Variants in NEK9 observed in about 807,000 individuals in gnomAD.
NEK9 encodes NIMA related kinase 9, also known as serine/threonine-protein kinase Nek9.
NEK9 carries 75 observed loss-of-function variants against 123.4 expected under a neutral mutation model. The ratio of observed to expected loss-of-function variants is 0.61; its 90% CI spans 0.50 to 0.74. NEK9 has a LOEUF of 0.74. Ranked by LOEUF, NEK9 falls within the 30% of genes least tolerant of loss-of-function variation. The probability of loss-of-function intolerance (pLI) is 0.00; values close to 1 mark genes in which losing one functional copy is unlikely to be tolerated. For missense variants in NEK9, 952 were observed against 1,214.4 expected (o/e 0.78, Z 3.21); for synonymous variants, 438 against 458.7 (o/e 0.95, Z 0.58).
Position 75,114,212 on chromosome 14 carries a change from G to A in NEK9, c.864C>T (p.Cys288=), listed in dbSNP as rs2139786911. 1 of 1,611,770 alleles carries A rather than the reference G, an allele frequency of 6.2e-7. No homozygotes were observed. The highest frequency in any genetic ancestry group is 1.3e-5 in the African/African-American group (1 of 75,002). The part of the protein sequence containing the change: ...SLELIQMVHS[C]LDQDPEQRPT... ...TTTAAGTCACACCTACCTGGTCAAG[G>A]CACGAATGAACCATTTGGATCAATT... Residue 288 remains cysteine, a synonymous_variant, in exon 7 of 22, where the codon TGC becomes TGT. Transcript: ENST00000238616.
At chr14:75,104,697 G>A (rs2139761813) in intron 13 of NEK9, among the ~76,000 whole-genome samples, 1 of 151,956 alleles carries the variant, frequency 6.6e-6, no homozygotes, top group African/African-American at 2.4e-5. Flanking sequence ...TGGCCAGGCT[G>A]GTCTCGAACT....
In NEK9 at chr14:75,083,505, TAC is replaced by T. The variant is rs1367505359; in HGVS notation, c.*1057_*1058del. On this transcript the variant is annotated 3_prime_UTR_variant, in exon 22 of 22. Transcript: ENST00000238616. ...TGGGCCACTCAGGTAGGAAAAATGATACAGATTCATTCGTTACCACATGGCTT... is the reference window on the plus strand; with the variant it reads ...TGGGCCACTCAGGTAGGAAAAATGATAGATTCATTCGTTACCACATGGCTT... 2 of 160,852 alleles carry T rather than the reference TAC, an allele frequency of 1.2e-5. No individual in the cohort carries two copies. The highest frequency in any genetic ancestry group is 1.8e-4 in the East Asian group (1 of 5,690). 10.0% of individuals were successfully genotyped at this position (160,852 alleles called of 1,614,324 possible). A position where few individuals can be genotyped will look rare whatever the true frequency, so the allele number is the denominator to read the frequency against.
intron 19 of NEK9, among the ~76,000 whole-genome samples, chr14:75,090,171 T>C (rs1274028534): frequency 6.6e-6 from 1 of 150,904 alleles, no homozygotes; most frequent in Non-Finnish European, 1.5e-5. Flanking sequence ...AGAGATGGGG[T>C]CTCCCTATGT....
At chr14:75,121,757 G>C (rs912259960) in intron 2 of NEK9, among the ~76,000 whole-genome samples, 1 of 152,206 alleles carries the variant, frequency 6.6e-6, no homozygotes, top group Non-Finnish European at 1.5e-5. Context: ...AGGCTAAGGT[G>C]GGAGGGTCGC....
At chr14:75,124,998 C>T (rs1034720020) in intron 1 of NEK9, among the ~76,000 whole-genome samples, 3 of 148,752 alleles carry the variant, frequency 2.0e-5, no homozygotes, top group African/African-American at 7.4e-5. Context: ...TGGTCTAGAA[C>T]TCCTGGCCTC....
intron 2 of NEK9, among the ~76,000 whole-genome samples, chr14:75,122,834 C>T (rs1226805424): frequency 2.4e-5 from 3 of 126,264 alleles, no homozygotes; most frequent in South Asian, 2.7e-4. Flanking sequence ...CTGGCTCCAT[C>T]GCCCAGGCTG....
chr14:75,079,918 G>A lies in NEK9; in HGVS notation c.*4646C>T, dbSNP rs1893819907. The A allele has an allele frequency of 3.9e-5, 6 of 152,182 alleles. No homozygotes were observed. In the South Asian group the frequency reaches 1.0e-3, roughly 26 times the overall value. 9.4% of individuals were successfully genotyped at this position (152,182 alleles called of 1,614,324 possible). ...GAGAACAAATTGTTGTTATATGTGG[G>A]GAGTGCTTTCTAAAAAGGAAGCAGT... On this transcript the variant is annotated 3_prime_UTR_variant, in exon 22 of 22. Coordinates refer to ENST00000238616, the MANE Select transcript of NEK9 (RefSeq NM_033116.6).
chr14:75,089,860 G>A (rs1195649738), intron 19 of NEK9, among the ~76,000 whole-genome samples: 1 of 152,014 alleles, frequency 6.6e-6, no homozygotes, highest in African/African-American at 2.4e-5. Context: ...CACAACGCCC[G>A]GCTAATTTTT....
At chr14:75,113,827 T>C (rs1315327555) in intron 7 of NEK9, among the ~76,000 whole-genome samples, 1 of 152,156 alleles carries the variant, frequency 6.6e-6, no homozygotes, top group Non-Finnish European at 1.5e-5. Context: ...TGAATAATAC[T>C]AGAACTACAC....
chr14:75,109,975 G>C, intron 9 of NEK9, 98 bp from the exon 10 acceptor site: 2 of 1,187,948 alleles, frequency 1.7e-6, no homozygotes, highest in Non-Finnish European at 2.4e-6. Context: ...TGCCAATTAT[G>C]GTATGAGAAA....
rs1176687357 is a variant in NEK9, at chr14:75,091,425, C to T, written c.2287G>A (p.Glu763Lys). The change falls in exon 19 of 22, where the codon GAG becomes AAG. Residue 763 changes from glutamate to lysine, a missense_variant. Around this residue, in one of 4 missense-constraint regions of NEK9, gnomAD observed 698 missense variants for 875.6 expected, o/e 0.80. Coordinates refer to ENST00000238616, the MANE Select transcript of NEK9 (RefSeq NM_033116.6). Reference sequence around the variant, plus strand: ...GTTTCAGATTCCTGCTGACTGTCCTCTTCTTCACCACCGCCGCCCCCGCCG... The same window carrying T: ...GTTTCAGATTCCTGCTGACTGTCCTTTTCTTCACCACCGCCGCCCCCGCCG... ...GGGGGGGGEE[E>K]DSQQESETPD... 2.5e-6 allele frequency: 4 copies of T among 1,612,430 alleles called. No homozygotes were observed. Among genetic ancestry groups the T allele is most frequent in the Non-Finnish European group, 3.4e-6 (4 of 1,179,552 alleles).
At chr14:75,114,762 C>A (rs2139788460) in intron 6 of NEK9, among the ~76,000 whole-genome samples, 1 of 152,108 alleles carries the variant, frequency 6.6e-6, no homozygotes, top group East Asian at 1.9e-4. Flanking sequence ...TATGGTAATA[C>A]CACCACCACA....
At chr14:75,121,255 A>C (rs1195607545) in intron 2 of NEK9, 81 bp from the exon 3 acceptor site, 1 of 1,045,962 alleles carries the variant, frequency 9.6e-7, no homozygotes, top group African/African-American at 1.6e-5. Context: ...TTTAGGTGAC[A>C]CAAGGAAATG....
At chr14:75,107,264 T>A in intron 11 of NEK9, 79 bp downstream of exon 11, 1 of 1,443,350 alleles carries the variant, frequency 6.9e-7, no homozygotes, top group Non-Finnish European at 9.4e-7. Context: ...TGTTTTAAAA[T>A]CCCAACTAAG....
At chr14:75,108,273 C>T (rs544938745) in intron 10 of NEK9, among the ~76,000 whole-genome samples, 3 of 151,932 alleles carry the variant, frequency 2.0e-5, no homozygotes, top group Admixed American at 6.6e-5. Context: ...TACAGGTGCC[C>T]GCCACCACGC....
At chr14:75,100,536 T>C (rs1051333115) in intron 16 of NEK9, among the ~76,000 whole-genome samples, 1 of 152,176 alleles carries the variant, frequency 6.6e-6, no homozygotes, top group Admixed American at 6.5e-5. Flanking sequence ...GAGAGATACA[T>C]AATATAGCGG....
Position 75,120,311 on chromosome 14 carries a change from A to G in NEK9, c.524+199T>C, listed in dbSNP as rs12883497. Among the ~76,000 whole-genome samples the G allele has an allele frequency of 0.088, 13,383 of 152,232 alleles. 835 individuals carry two copies. Among genetic ancestry groups the G allele is most frequent in the Middle Eastern group, 0.12 (35 of 294 alleles). Reference sequence around the variant, plus strand: ...CTTCAGTAGTACTTGGCTACTGAGGAGACTCTTCCTAGATCATAAACATGG... The same window carrying G: ...CTTCAGTAGTACTTGGCTACTGAGGGGACTCTTCCTAGATCATAAACATGG... On this transcript the variant is annotated intron_variant, in intron 4 of 21. Coordinates refer to ENST00000238616, the MANE Select transcript of NEK9 (RefSeq NM_033116.6).
At chr14:75,116,899 C>T (rs1486494851) in intron 6 of NEK9, among the ~76,000 whole-genome samples, 1 of 152,000 alleles carries the variant, frequency 6.6e-6, no homozygotes, top group Admixed American at 6.5e-5. Flanking sequence ...TACAGGTGTG[C>T]GCCACCACAC....
In NEK9 at chr14:75,109,775, A is replaced by C. The variant is rs892644018; in HGVS notation, c.1092T>G (p.Val364=). Residue 364 remains valine (V), a synonymous_variant, in exon 10 of 22, where the codon GTT becomes GTG. Transcript: ENST00000238616. The part of the protein sequence containing the change: ...GGKSTPQKLD[V]IKSGCSARQV... ...GCCGGGCACTACAGCCACTCTTGAT[A>C]ACATCCAGTTTCTGGGGGGTGGATT... 14 of 1,614,168 alleles carry C rather than the reference A, an allele frequency of 8.7e-6. No homozygotes were observed. Among genetic ancestry groups the C allele is most frequent in the Non-Finnish European group, 1.2e-5 (14 of 1,180,020 alleles).
Sources: allele counts gnomAD v4.1 joint callset (sites outside exome capture counted in the v4.1 genomes callset), GRCh38; gene constraint gnomAD v4.1.1; regional missense constraint gnomAD v4.1.1; transcripts MANE v1.5; gene names NCBI Gene and HGNC (gene_info 2026-07-23, HGNC 2026-07-21).